HEMK2: variants seen among roughly 807,000 people sequenced by gnomAD.
HEMK2 encodes methyltransferase HEMK2.
At chr21:28,874,015 T>G in the HEMK2 span, 2 of 152,192 alleles carry the variant, frequency 1.3e-5, no homozygotes, top group Non-Finnish European at 1.5e-5. Flanking sequence ...ATATACTGGA[T>G]GTTGATTCAG....
chr21:28,694,461 C>G, the HEMK2 span, among the ~76,000 whole-genome samples: 1 of 152,088 alleles, frequency 6.6e-6, no homozygotes, highest in African/African-American at 2.4e-5. Context: ...TCTTTAAAGC[C>G]TCCCTCCATC....
At chr21:28,697,204 T>C in the HEMK2 span, among the ~76,000 whole-genome samples, 1 of 152,210 alleles carries the variant, frequency 6.6e-6, no homozygotes, top group South Asian at 2.1e-4. Flanking sequence ...ATTTTAAGCC[T>C]GCAAATTTTT....
chr21:28,853,080 G>A, the HEMK2 span, among the ~76,000 whole-genome samples: 1 of 152,140 alleles, frequency 6.6e-6, no homozygotes, highest in South Asian at 2.1e-4. Context: ...CTTCAAAGAT[G>A]GCAGGTCCAC....
chr21:28,664,024 CA>C, the HEMK2 span, among the ~76,000 whole-genome samples: 9 of 152,144 alleles, frequency 5.9e-5, no homozygotes, highest in African/African-American at 2.2e-4. Context: ...TTGTCTTTGG[CA>C]AAAACTTTTT....
the HEMK2 span, among the ~76,000 whole-genome samples, chr21:28,583,740 A>T: frequency 6.6e-6 from 1 of 152,198 alleles, no homozygotes; most frequent in Non-Finnish European, 1.5e-5. Context: ...GCAGCATTGC[A>T]TGGTTCTGTG....
At chr21:28,788,364 C>T in the HEMK2 span, among the ~76,000 whole-genome samples, 3 of 151,378 alleles carry the variant, frequency 2.0e-5, no homozygotes, top group Non-Finnish European at 2.9e-5. Flanking sequence ...AATGAATTAA[C>T]AGCATTGCAG....
the HEMK2 span, among the ~76,000 whole-genome samples, chr21:28,759,744 G>A: frequency 6.6e-6 from 1 of 152,154 alleles, no homozygotes; most frequent in Non-Finnish European, 1.5e-5. Flanking sequence ...GGTTTTGTAA[G>A]GGATTTCCTC....
chr21:28,879,205 T>C, the HEMK2 span, among the ~76,000 whole-genome samples: 2 of 151,368 alleles, frequency 1.3e-5, no homozygotes, highest in East Asian at 3.9e-4. Flanking sequence ...CCACTTCAGC[T>C]TCCCAAGTAT....
At chr21:28,851,613 T>C in the HEMK2 span, among the ~76,000 whole-genome samples, 1 of 152,170 alleles carries the variant, frequency 6.6e-6, no homozygotes, top group African/African-American at 2.4e-5. Context: ...AGTCCCTAAA[T>C]TTTAGTTGGA....
At chr21:28,768,422 AAAG>A in the HEMK2 span, among the ~76,000 whole-genome samples, 1 of 152,146 alleles carries the variant, frequency 6.6e-6, no homozygotes, top group Admixed American at 6.5e-5. Flanking sequence ...CCAAAGAGAT[AAAG>A]GATTTCCTGT....
the HEMK2 span, among the ~76,000 whole-genome samples, chr21:28,794,504 G>A: frequency 6.6e-6 from 1 of 152,286 alleles, no homozygotes; most frequent in East Asian, 1.9e-4. Context: ...AAACAACAAT[G>A]TCAATACAAT....
At chr21:28,618,935 C>A in the HEMK2 span, among the ~76,000 whole-genome samples, 1,581 of 152,176 alleles carry the variant, frequency 0.01, 30 homozygotes, top group African/African-American at 0.036. Context: ...AAAGTCCAAC[C>A]CCTGGTACCT....
At chr21:28,839,621 A>G in the HEMK2 span, among the ~76,000 whole-genome samples, 4 of 152,290 alleles carry the variant, frequency 2.6e-5, no homozygotes, top group African/African-American at 9.6e-5. Context: ...CCCTTTTACA[A>G]TAGCTGCAAA....
At chr21:28,671,387 G>C in the HEMK2 span, 1 of 152,156 alleles carries the variant, frequency 6.6e-6, no homozygotes, top group African/African-American at 2.4e-5. Flanking sequence ...AAGATTTCAG[G>C]TTAACGCTAC....
At chr21:28,764,801 T>C in the HEMK2 span, among the ~76,000 whole-genome samples, 1 of 152,148 alleles carries the variant, frequency 6.6e-6, no homozygotes, top group African/African-American at 2.4e-5. Context: ...CTCCTTCCAC[T>C]AGGTATTTCA....
the HEMK2 span, among the ~76,000 whole-genome samples, chr21:28,595,773 C>CTTTATTTATTTATTTATTTATTTA: frequency 1.4e-3 from 216 of 149,444 alleles, no homozygotes; most frequent in East Asian, 4.3e-3. Context: ...TTTTATTTTA[C>CTTTATTTATTTATTTATTTATTTA]TTTATTTATT....
the HEMK2 span, among the ~76,000 whole-genome samples, chr21:28,603,538 T>C: frequency 6.8e-6 from 1 of 147,802 alleles, no homozygotes; most frequent in African/African-American, 2.6e-5. Context: ...ATTATTTTAC[T>C]GAGGATATAT....
At chr21:28,809,855 C>T in the HEMK2 span, among the ~76,000 whole-genome samples, 1 of 152,020 alleles carries the variant, frequency 6.6e-6, no homozygotes, top group Non-Finnish European at 1.5e-5. Flanking sequence ...GGGAGTATCA[C>T]CTTTAAAATA....
chr21:28,641,620 T>C, the HEMK2 span, among the ~76,000 whole-genome samples: 1 of 152,234 alleles, frequency 6.6e-6, no homozygotes, highest in Admixed American at 6.5e-5. Flanking sequence ...TTGTAAAGAC[T>C]GGACACCCAG....
Sources: allele counts gnomAD v4.1 joint callset (sites outside exome capture counted in the v4.1 genomes callset), GRCh38; gene constraint gnomAD v4.1.1; transcripts MANE v1.5; gene names NCBI Gene and HGNC (gene_info 2026-07-23, HGNC 2026-07-21).